The following PCYT1B variants were observed in gnomAD, a reference collection of about 807,000 sequenced individuals.
PCYT1B encodes the protein phosphate cytidylyltransferase 1B, choline, also known as choline-phosphate cytidylyltransferase B.
A neutral mutation model predicts 26.4 loss-of-function variants in PCYT1B; 10 were observed. The observed-to-expected ratio is 0.38, with a 90% CI of 0.23 to 0.64. PCYT1B has a LOEUF of 0.64. PCYT1B is among the 30% of genes least tolerant of loss of function. The pLI is 0.56. For missense variants in PCYT1B, 161 were observed against 292.7 expected (o/e 0.55, Z 3.28); for synonymous variants, 131 against 108.4 (o/e 1.21, Z -1.29).
rs1440248442 is a variant in PCYT1B at position 24,647,086 on chromosome X, T to G, written c.20A>C (p.Asp7Ala). MPVVTT[D>A]AESETGIPKS... Reference sequence around the variant, plus strand: ...TGGGATACCTGTTTCTGACTCAGCATCAGTGGTAACTACTGGCATGGCCAG... The same window carrying G: ...TGGGATACCTGTTTCTGACTCAGCAGCAGTGGTAACTACTGGCATGGCCAG... Residue 7 changes from aspartate (D) to alanine (A), a missense_variant, in exon 1 of 8, where the codon GAT (aspartate) becomes GCT (alanine). Physicochemically the swap from Asp to Ala is moderately radical, Grantham distance 126 (BLOSUM62 -2). This residue lies in a region of PCYT1B where 51 missense variants were observed against 51.0 expected (regional missense o/e 1.00). Coordinates refer to ENST00000379144, the MANE Select transcript of PCYT1B (RefSeq NM_004845.5). 8.3e-7 allele frequency: 1 copy of G among 1,206,473 alleles called. No individual in the cohort carries two copies. The highest frequency in any genetic ancestry group is 2.2e-5 in the Admixed American group (1 of 45,744).
At chrX:24,610,256 G>C (rs945567732) in intron 2 of PCYT1B, among the ~76,000 whole-genome samples, 2 of 111,799 alleles carry the variant, frequency 1.8e-5, no homozygotes, top group Non-Finnish European at 3.8e-5. Flanking sequence ...ATAAAGAAAT[G>C]TTACATTAAT....
chrX:24,600,053 G>A (rs951495716), intron 3 of PCYT1B, among the ~76,000 whole-genome samples: 4 of 110,167 alleles, frequency 3.6e-5, no homozygotes, highest in Admixed American at 2.0e-4. Context: ...GACTACAGGT[G>A]CACGCCTGGC....
chrX:24,579,236 G>C, intron 6 of PCYT1B, 80 bp downstream of exon 6: 57 of 909,974 alleles, frequency 6.3e-5, no homozygotes, highest in Non-Finnish European at 8.7e-5. Context: ...ATAGCACTTA[G>C]TAAGTGCTCA....
At chrX:24,671,650 A>G (rs768073409) in intron 1 of PCYT1B, among the ~76,000 whole-genome samples, 1 of 111,371 alleles carries the variant, frequency 9.0e-6, no homozygotes, top group East Asian at 2.8e-4. Flanking sequence ...GCCTGTGTCC[A>G]TTCTCAGGGT....
chrX:24,593,441 C>CTTTCTTTTCTTTTCT (rs200527762), intron 3 of PCYT1B, among the ~76,000 whole-genome samples: 24 of 56,760 alleles, frequency 4.2e-4, no homozygotes, highest in Middle Eastern at 9.5e-3. Context: ...TCCTTTCTTT[C>CTTTCTTTTCTTTTCT]TTTCTTTTCT....
intron 3 of PCYT1B, among the ~76,000 whole-genome samples, chrX:24,599,573 A>G (rs1924894308): frequency 8.9e-6 from 1 of 111,842 alleles, no homozygotes; most frequent in Non-Finnish European, 1.9e-5. Flanking sequence ...TGTCTATGTT[A>G]ACAATTATTT....
chrX:24,621,164 G>C (rs903737418), intron 1 of PCYT1B, among the ~76,000 whole-genome samples: 1 of 111,772 alleles, frequency 8.9e-6, no homozygotes, highest in African/African-American at 3.2e-5. Flanking sequence ...GATGTGGTGA[G>C]GAAAGTCATG....
At chrX:24,572,606 T>C (rs1923868142) in intron 7 of PCYT1B, among the ~76,000 whole-genome samples, 1 of 111,794 alleles carries the variant, frequency 8.9e-6, no homozygotes, top group African/African-American at 3.2e-5. Flanking sequence ...GGAATTATTA[T>C]AATAATAGCA....
At chrX:24,596,114 A>C (rs1924770512) in intron 3 of PCYT1B, among the ~76,000 whole-genome samples, 1 of 111,970 alleles carries the variant, frequency 8.9e-6, no homozygotes, top group Non-Finnish European at 1.9e-5. Context: ...TAGGGAAAAA[A>C]ACACACTAGT....
chrX:24,593,889 A>AAT lies in PCYT1B; in HGVS notation c.335-3717_335-3716dup, dbSNP rs766805431. ...ACTAATGAGCTTCTAGATGCATATA[A>AAT]ATATATATATATATGCCTCTATATC... On this transcript the variant is annotated intron_variant, in intron 3 of 7. Coordinates refer to ENST00000379144, the MANE Select transcript of PCYT1B (RefSeq NM_004845.5). 3.1e-3 allele frequency among the ~76,000 whole-genome samples: 342 copies of AAT among 109,764 alleles called. 1 individual carries two copies. Among genetic ancestry groups the AAT allele is most frequent in the African/African-American group, 9.7e-3 (293 of 30,269 alleles).
chrX:24,569,107 C>T (rs1287812710), intron 7 of PCYT1B, among the ~76,000 whole-genome samples: 1 of 110,987 alleles, frequency 9.0e-6, no homozygotes, highest in Non-Finnish European at 1.9e-5. Context: ...TTAAAAACAA[C>T]AACAACAACA....
At chrX:24,621,705 G>A (rs1216198808) in intron 1 of PCYT1B, 1 of 144,315 alleles carries the variant, frequency 6.9e-6, no homozygotes, top group Admixed American at 9.5e-5. Context: ...TTGGCAAGTG[G>A]GATTAGCTTA....
chrX:24,628,457 A>G (rs201174818), intron 1 of PCYT1B, among the ~76,000 whole-genome samples: 2 of 111,874 alleles, frequency 1.8e-5, no homozygotes, highest in East Asian at 5.6e-4. Flanking sequence ...ATATTTGTCA[A>G]TCTTTCATAG....
At chrX:24,573,155 CACACACACAT>C (rs200356375) in intron 7 of PCYT1B, among the ~76,000 whole-genome samples, 165 of 76,284 alleles carry the variant, frequency 2.2e-3, no homozygotes, top group South Asian at 0.02. Context: ...CACACACACA[CACACACACAT>C]ATATATATAT....
At chrX:24,654,281 A>G (rs1420378521) in intron 1 of PCYT1B, among the ~76,000 whole-genome samples, 1 of 99,917 alleles carries the variant, frequency 1.0e-5, no homozygotes, top group African/African-American at 3.7e-5. Flanking sequence ...ATTTTTTTGT[A>G]TTGTTAGGAG....
At chrX:24,565,028 C>T (rs952315344) in intron 7 of PCYT1B, among the ~76,000 whole-genome samples, 6 of 109,708 alleles carry the variant, frequency 5.5e-5, no homozygotes, top group African/African-American at 1.7e-4. Context: ...TGGTTAAGAT[C>T]AGTTTACCAG....
intron 1 of PCYT1B, among the ~76,000 whole-genome samples, chrX:24,668,831 C>T (rs1927179056): frequency 9.0e-6 from 1 of 110,790 alleles, no homozygotes; most frequent in African/African-American, 3.3e-5. Context: ...CTTAGGGGAT[C>T]CCTGTTTTAA....
At chrX:24,568,873 T>C (rs754329295) in intron 7 of PCYT1B, among the ~76,000 whole-genome samples, 1 of 111,644 alleles carries the variant, frequency 9.0e-6, no homozygotes, top group South Asian at 3.8e-4. Context: ...GGTGGGTGGA[T>C]CACTTGAGGT....
At chrX:24,660,954 T>C (rs755488124) in intron 1 of PCYT1B, among the ~76,000 whole-genome samples, 2 of 111,849 alleles carry the variant, frequency 1.8e-5, no homozygotes, top group East Asian at 5.6e-4. Flanking sequence ...CATATGGTAC[T>C]ACCATTGCTC....
Sources: allele counts gnomAD v4.1 joint callset (sites outside exome capture counted in the v4.1 genomes callset), GRCh38; gene constraint gnomAD v4.1.1; regional missense constraint gnomAD v4.1.1; transcripts MANE v1.5; gene names NCBI Gene and HGNC (gene_info 2026-07-23, HGNC 2026-07-21).